Variants in EXOC6B observed in about 807,000 individuals in gnomAD.
EXOC6B encodes the protein SEC15 homolog B.
Under a neutral mutation model 113.5 loss-of-function variants are expected in EXOC6B, and 54 were observed. That is an observed-to-expected ratio of 0.48 (90% CI 0.38 to 0.60). The LOEUF is 0.60. Among genes scored for constraint, EXOC6B ranks in the 20% least tolerant of loss-of-function variants. The probability of loss-of-function intolerance (pLI) is 0.00; values close to 1 mark genes in which losing one functional copy is unlikely to be tolerated. For missense variants in EXOC6B, 797 were observed against 977.5 expected (o/e 0.82, Z 2.46); for synonymous variants, 357 against 339.0 (o/e 1.05, Z -0.58).
intron 20 of EXOC6B, among the ~76,000 whole-genome samples, chr2:72,279,736 C>T (rs887984442): frequency 1.1e-4 from 16 of 152,122 alleles, no homozygotes; most frequent in Admixed American, 9.8e-4. Flanking sequence ...ACCTCAGCCT[C>T]CCGAGTAGCT....
intron 20 of EXOC6B, among the ~76,000 whole-genome samples, chr2:72,245,524 C>A (rs1682595619): frequency 6.6e-6 from 1 of 152,076 alleles, no homozygotes; most frequent in Non-Finnish European, 1.5e-5. Context: ...CATGGAGCAA[C>A]CTTGAAAGCA....
intron 19 of EXOC6B, among the ~76,000 whole-genome samples, chr2:72,370,953 C>T (rs1690970963): frequency 6.6e-6 from 1 of 151,494 alleles, no homozygotes; most frequent in African/African-American, 2.4e-5. Flanking sequence ...ATATATGTAA[C>T]AAACCTGCAC....
chr2:72,265,282 G>C (rs1038872661), intron 20 of EXOC6B, among the ~76,000 whole-genome samples: 1 of 139,652 alleles, frequency 7.2e-6, no homozygotes, highest in Non-Finnish European at 1.5e-5. Flanking sequence ...CTTTAAGTTT[G>C]AGGGTACATG....
chr2:72,811,247 G>A (rs1685903511), intron 1 of EXOC6B, among the ~76,000 whole-genome samples: 1 of 152,154 alleles, frequency 6.6e-6, no homozygotes, highest in African/African-American at 2.4e-5. Context: ...GAAGGCGGAG[G>A]TTGCAGTGAG....
At chr2:72,261,126 T>A (rs1260063938) in intron 20 of EXOC6B, among the ~76,000 whole-genome samples, 1 of 152,076 alleles carries the variant, frequency 6.6e-6, no homozygotes, top group African/African-American at 2.4e-5. Flanking sequence ...ATTTAGAATT[T>A]CATACCATCA....
intron 20 of EXOC6B, among the ~76,000 whole-genome samples, chr2:72,191,308 G>T (rs1427938234): frequency 6.6e-6 from 1 of 151,904 alleles, no homozygotes; most frequent in Admixed American, 6.6e-5. Flanking sequence ...ATATTTCCTT[G>T]TTTTTTTCAG....
intron 20 of EXOC6B, among the ~76,000 whole-genome samples, chr2:72,194,879 C>G (rs1164649071): frequency 6.6e-6 from 1 of 152,058 alleles, no homozygotes; most frequent in East Asian, 1.9e-4. Flanking sequence ...GTTCCTGGCC[C>G]TACGTCTGAA....
At chr2:72,294,970 C>T (rs766447056) in intron 20 of EXOC6B, among the ~76,000 whole-genome samples, 3 of 152,014 alleles carry the variant, frequency 2.0e-5, no homozygotes, top group Non-Finnish European at 4.4e-5. Flanking sequence ...GGGTGGCTCA[C>T]GCCTGTAATC....
chr2:72,401,876 A>T (rs1024195367), intron 18 of EXOC6B, among the ~76,000 whole-genome samples: 2 of 150,662 alleles, frequency 1.3e-5, no homozygotes, highest in African/African-American at 2.4e-5. Flanking sequence ...AGAGAAAAAA[A>T]ATTATAGCAT....
At chr2:72,540,050 G>GT (rs1214593063) in intron 8 of EXOC6B, among the ~76,000 whole-genome samples, 1 of 148,220 alleles carries the variant, frequency 6.7e-6, no homozygotes, top group Non-Finnish European at 1.5e-5. Context: ...GCGGTGTTTG[G>GT]TTTTTTGTTC....
At chr2:72,529,665 G>A (rs1268300578) in intron 8 of EXOC6B, among the ~76,000 whole-genome samples, 2 of 152,148 alleles carry the variant, frequency 1.3e-5, no homozygotes, top group African/African-American at 2.4e-5. Context: ...ATCTCACTAT[G>A]TTGCCAAGGC....
In EXOC6B at chr2:72,574,620, C is replaced by T. The variant is rs565777648; in HGVS notation, c.846+872G>A. Among the ~76,000 whole-genome samples, 5 of 152,200 alleles carry T rather than the reference C, an allele frequency of 3.3e-5. No individual in the cohort carries two copies. The South Asian group carries it at 1.0e-3, about 32-fold the overall frequency. On this transcript the variant is annotated intron_variant, in intron 7 of 21. Transcript: ENST00000272427. ...CTTACAAAAAAAAGGCTACTGAGTA[C>T]AAGAGTAAATGATTCCTTACATGTC...
At chr2:72,593,975 GTTA>G (rs1706146019) in intron 6 of EXOC6B, among the ~76,000 whole-genome samples, 1 of 152,058 alleles carries the variant, frequency 6.6e-6, no homozygotes, top group Non-Finnish European at 1.5e-5. Context: ...TCTGGTTGTT[GTTA>G]TTGTTGTTGT....
chr2:72,597,116 T>C (rs112384091), intron 6 of EXOC6B, among the ~76,000 whole-genome samples: 4,631 of 150,684 alleles, frequency 0.031, 112 homozygotes, highest in Non-Finnish European at 0.047. Context: ...TAAATAGAGA[T>C]AGATATACAA....
At chr2:72,364,427 T>A (rs1690491812) in intron 19 of EXOC6B, among the ~76,000 whole-genome samples, 1 of 152,154 alleles carries the variant, frequency 6.6e-6, no homozygotes, top group Admixed American at 6.5e-5. Flanking sequence ...TCGTGGACTG[T>A]CAAGCCCTTC....
chr2:72,365,070 A>G (rs1690536334), intron 19 of EXOC6B, among the ~76,000 whole-genome samples: 1 of 152,144 alleles, frequency 6.6e-6, no homozygotes, highest in Non-Finnish European at 1.5e-5. Flanking sequence ...GAGGCAAGGA[A>G]TGTGGCGGGC....
chr2:72,607,117 GAAGAA>G (rs1302339092), intron 6 of EXOC6B, among the ~76,000 whole-genome samples: 1 of 152,128 alleles, frequency 6.6e-6, no homozygotes, highest in Non-Finnish European at 1.5e-5. Flanking sequence ...GGAGAACACA[GAAGAA>G]AAGAAAAGGA....
intron 1 of EXOC6B, among the ~76,000 whole-genome samples, chr2:72,752,389 C>A (rs1435780849): frequency 6.6e-6 from 1 of 152,100 alleles, no homozygotes; most frequent in East Asian, 1.9e-4. Context: ...TCCATCAATA[C>A]TTTCTTTGGT....
intron 8 of EXOC6B, among the ~76,000 whole-genome samples, chr2:72,535,329 T>C (rs557227595): frequency 1.3e-5 from 2 of 152,306 alleles, no homozygotes; most frequent in South Asian, 4.1e-4. Flanking sequence ...CACTAGTTAC[T>C]TAGTTTTTTG....
Sources: gnomAD v4.1 joint callset for allele counts (sites outside exome capture counted in the v4.1 genomes callset) on GRCh38, gnomAD v4.1.1 for gene constraint, MANE v1.5 for transcripts, NCBI Gene and HGNC (gene_info 2026-07-23, HGNC 2026-07-21) for gene names.